The following STK39 variants were observed in gnomAD, a reference collection of about 807,000 sequenced individuals.
STK39 encodes the protein serine/threonine kinase 39.
A neutral mutation model predicts 77.8 loss-of-function variants in STK39; 20 were observed. That is an observed-to-expected ratio of 0.26 (90% CI 0.18 to 0.37). The LOEUF (loss-of-function observed/expected upper bound fraction) is 0.37. Among genes scored for constraint, STK39 ranks in the 10% least tolerant of loss-of-function variants. The pLI is 1.00. For synonymous variants in STK39, 246 were observed against 234.1 expected, an observed-to-expected ratio of 1.05 and a Z score of -0.47; for missense variants, 479 against 656.5, an observed-to-expected ratio of 0.73 and a Z score of 2.95.
intron 10 of STK39, among the ~76,000 whole-genome samples, chr2:168,119,610 G>C (rs548014382): frequency 1.3e-5 from 2 of 152,180 alleles, no homozygotes; most frequent in East Asian, 3.9e-4. Context: ...ACACCCCTTT[G>C]ATCCCTCAAC....
At chr2:167,962,551 C>T (rs1692014647) in intron 17 of STK39, among the ~76,000 whole-genome samples, 2 of 152,182 alleles carry the variant, frequency 1.3e-5, no homozygotes, top group Admixed American at 1.3e-4. Context: ...TTACTGTGAA[C>T]ACCACACTAC....
At chr2:168,037,983 G>T (rs1042698150) in intron 14 of STK39, among the ~76,000 whole-genome samples, 1 of 152,118 alleles carries the variant, frequency 6.6e-6, no homozygotes, top group East Asian at 1.9e-4. Flanking sequence ...AAAAGGCAGA[G>T]AATTGAACTA....
At chr2:167,955,768 T>G (rs1041843784) in intron 17 of STK39, among the ~76,000 whole-genome samples, 198 bp from the exon 18 acceptor site, 1 of 152,192 alleles carries the variant, frequency 6.6e-6, no homozygotes, top group Non-Finnish European at 1.5e-5. Context: ...GTGGCCATCA[T>G]GCTATGAAGT....
rs201598788 is a variant in STK39 at position 167,954,278 on chromosome 2, C to T, written c.*1218G>A. 1 of 152,540 alleles carries T rather than the reference C, an allele frequency of 6.6e-6. No individual in the cohort carries two copies. Among genetic ancestry groups the T allele is most frequent in the Non-Finnish European group, 1.5e-5 (1 of 68,024 alleles). 9.4% of individuals were successfully genotyped at this position (152,540 alleles called of 1,614,324 possible). ...CAATGGTACCATCCTGGGAGCCCAC[C>T]TCCTTGAAAGATTAGACTCCAATTT... On this transcript the variant is annotated 3_prime_UTR_variant, in exon 18 of 18. Coordinates refer to ENST00000355999, the MANE Select transcript of STK39 (RefSeq NM_013233.3).
At chr2:168,225,849 A>C (rs1690290601) in intron 1 of STK39, among the ~76,000 whole-genome samples, 1 of 152,138 alleles carries the variant, frequency 6.6e-6, no homozygotes, top group Non-Finnish European at 1.5e-5. Flanking sequence ...GGAACTTCCG[A>C]TGCTACACCC....
chr2:168,101,634 A>T (rs1686829849), intron 10 of STK39, among the ~76,000 whole-genome samples: 1 of 152,098 alleles, frequency 6.6e-6, no homozygotes, highest in South Asian at 2.1e-4. Context: ...GCTACTCTGG[A>T]GGCTGGGACA....
intron 10 of STK39, among the ~76,000 whole-genome samples, chr2:168,082,702 C>T (rs1435985920): frequency 6.6e-6 from 1 of 152,218 alleles, no homozygotes; most frequent in African/African-American, 2.4e-5. Flanking sequence ...TGAGTGAACA[C>T]ACCTTCTCCA....
intron 1 of STK39, among the ~76,000 whole-genome samples, chr2:168,239,465 T>C (rs1201516986): frequency 1.3e-5 from 2 of 152,152 alleles, no homozygotes; most frequent in Admixed American, 6.5e-5. Context: ...CACAGGCAGG[T>C]GGACGCACTC....
chr2:168,075,679 G>T (rs1686061116), intron 10 of STK39, among the ~76,000 whole-genome samples: 1 of 151,578 alleles, frequency 6.6e-6, no homozygotes, highest in African/African-American at 2.4e-5. Flanking sequence ...TAGACCATGG[G>T]TATTGGCAAT....
chr2:168,012,040 A>G (rs980445532), intron 16 of STK39, among the ~76,000 whole-genome samples: 8 of 152,112 alleles, frequency 5.3e-5, no homozygotes, highest in Admixed American at 1.3e-4. Flanking sequence ...AATTGATAGC[A>G]TCTTATTTTT....
chr2:168,240,184 AGAGT>A (rs1289750341), intron 1 of STK39, among the ~76,000 whole-genome samples: 1 of 152,220 alleles, frequency 6.6e-6, no homozygotes, highest in Non-Finnish European at 1.5e-5. Context: ...CACTGGCTGG[AGAGT>A]CTGTCCTGAG....
Position 168,181,969 on chromosome 2 carries a change from G to T in STK39, c.321+9C>A. 3 of 1,610,468 alleles carry T rather than the reference G, an allele frequency of 1.9e-6. No individual in the cohort carries two copies. Among genetic ancestry groups the T allele is most frequent in the Non-Finnish European group, 1.7e-6 (2 of 1,176,866 alleles). On this transcript the variant is annotated intron_variant, in intron 2 of 17. Transcript: ENST00000355999. ...GCAACCAGCAGGTATTCCCTGCACT[G>T]TTACTTACTAATAGTTCATCCATAC...
chr2:168,205,905 T>C (rs190240263), intron 1 of STK39, among the ~76,000 whole-genome samples: 1 of 152,336 alleles, frequency 6.6e-6, no homozygotes, highest in East Asian at 1.9e-4. Flanking sequence ...ACTCCCTTAG[T>C]GGCAAATTTT....
intron 10 of STK39, among the ~76,000 whole-genome samples, chr2:168,091,955 A>G (rs1264812659): frequency 6.6e-6 from 1 of 152,240 alleles, no homozygotes; most frequent in Non-Finnish European, 1.5e-5. Context: ...ATTCCTTAGA[A>G]TCTAATATCA....
At chr2:168,075,312 C>A in intron 10 of STK39, 81 bp from the exon 11 acceptor site, 1 of 1,570,476 alleles carries the variant, frequency 6.4e-7, no homozygotes, top group Non-Finnish European at 8.7e-7. Flanking sequence ...GGTTATACGG[C>A]ATACACACCA....
At chr2:168,115,454 T>C (rs1687234245) in intron 10 of STK39, among the ~76,000 whole-genome samples, 1 of 152,206 alleles carries the variant, frequency 6.6e-6, no homozygotes, top group South Asian at 2.1e-4. Flanking sequence ...ATCCTGTTCC[T>C]AGGAAATAGA....
chr2:168,100,974 C>T (rs922595052), intron 10 of STK39, among the ~76,000 whole-genome samples: 6 of 152,140 alleles, frequency 3.9e-5, no homozygotes, highest in Non-Finnish European at 8.8e-5. Flanking sequence ...CCATCAATGA[C>T]AGACTGGTTA....
intron 12 of STK39, among the ~76,000 whole-genome samples, chr2:168,066,882 G>A (rs1037773531): frequency 6.6e-6 from 1 of 152,216 alleles, no homozygotes; most frequent in African/African-American, 2.4e-5. Flanking sequence ...GGACAGGGAG[G>A]GAATACAGTT....
intron 10 of STK39, among the ~76,000 whole-genome samples, chr2:168,114,656 T>C (rs534282093): frequency 6.6e-6 from 1 of 152,280 alleles, no homozygotes; most frequent in Non-Finnish European, 1.5e-5. Context: ...AATAGGGTTC[T>C]CAACTCTAAA....
Sources: gnomAD v4.1 joint callset for allele counts (sites outside exome capture counted in the v4.1 genomes callset) on GRCh38, gnomAD v4.1.1 for gene constraint, MANE v1.5 for transcripts, NCBI Gene and HGNC (gene_info 2026-07-23, HGNC 2026-07-21) for gene names.